The following DIP2B variants were observed in gnomAD, a reference collection of about 807,000 sequenced individuals.
The protein encoded by DIP2B is DIP2 acetate--CoA ligase B (putative), also known as disco-interacting protein 2 homolog B.
Under a neutral mutation model 198.0 loss-of-function variants are expected in DIP2B, and 76 were observed. The ratio of observed to expected loss-of-function variants is 0.38; its 90% confidence interval spans 0.32 to 0.46. The LOEUF (loss-of-function observed/expected upper bound fraction) is 0.46. Among genes scored for constraint, DIP2B ranks in the 20% least tolerant of loss-of-function variants. DIP2B has a pLI of 0.99. For missense variants in DIP2B, 1,559 were observed against 1,978.4 expected (o/e 0.79, Z 4.02); for synonymous variants, 701 against 739.1 (o/e 0.95, Z 0.84).
intron 1 of DIP2B, among the ~76,000 whole-genome samples, chr12:50,553,917 G>A (rs1412968717): frequency 6.6e-6 from 1 of 152,166 alleles, no homozygotes; most frequent in African/African-American, 2.4e-5. Context: ...ACCTCCCAAA[G>A]TGTTGGGATT....
chr12:50,513,073 G>C (rs1958032576), intron 1 of DIP2B, among the ~76,000 whole-genome samples: 1 of 152,166 alleles, frequency 6.6e-6, no homozygotes, highest in South Asian at 2.1e-4. Context: ...TAAGATAATA[G>C]AAAAGCTGAG....
chr12:50,508,886 C>A (rs529450942), intron 1 of DIP2B, among the ~76,000 whole-genome samples: 15 of 152,056 alleles, frequency 9.9e-5, no homozygotes, highest in Non-Finnish European at 1.8e-4. Context: ...TTGTAGTAGA[C>A]ACGGGTTTTC....
At chr12:50,725,978 A>G (rs991922579) in intron 28 of DIP2B, among the ~76,000 whole-genome samples, 1 of 152,022 alleles carries the variant, frequency 6.6e-6, no homozygotes, top group African/African-American at 2.4e-5. Flanking sequence ...GCACAGTTAT[A>G]TACAATATTT....
chr12:50,717,488 C>T (rs1425752450), intron 23 of DIP2B, among the ~76,000 whole-genome samples: 4 of 151,046 alleles, frequency 2.6e-5, no homozygotes, highest in Non-Finnish European at 5.9e-5. Flanking sequence ...GCCTCAGCCT[C>T]CCAAGCAGCT....
intron 1 of DIP2B, among the ~76,000 whole-genome samples, chr12:50,553,044 C>A (rs970265093): frequency 2.6e-5 from 4 of 152,108 alleles, no homozygotes; most frequent in Admixed American, 2.6e-4. Context: ...GCATATTGGC[C>A]AGGCTGGTCT....
Position 50,516,819 on chromosome 12 carries a change from G to T in DIP2B, c.100+11579G>T, listed in dbSNP as rs376703198. 5.4e-4 allele frequency among the ~76,000 whole-genome samples: 82 copies of T among 151,938 alleles called. No homozygotes were observed. In the South Asian group the frequency reaches 0.017, roughly 31 times the overall value. ...GCGAAACCCTATCAGTACTAAAAAT[G>T]CAAAAATTAGCTGGGTGTGGTGGCG... is the stretch of plus-strand genomic sequence containing the variant. On this transcript the variant is annotated intron_variant, in intron 1 of 37. Transcript: ENST00000301180.
At chr12:50,511,808 C>T (rs1368345058) in intron 1 of DIP2B, among the ~76,000 whole-genome samples, 1 of 151,084 alleles carries the variant, frequency 6.6e-6, no homozygotes, top group African/African-American at 2.4e-5. Flanking sequence ...ATTAGCTCGG[C>T]GTGGTGGCTT....
intron 13 of DIP2B, among the ~76,000 whole-genome samples, chr12:50,692,665 C>T (rs1379473719): frequency 2.6e-5 from 4 of 151,942 alleles, no homozygotes. Context: ...TGGTGAAACT[C>T]CCTCTCTACT....
intron 4 of DIP2B, among the ~76,000 whole-genome samples, chr12:50,663,925 G>A (rs1487744413): frequency 2.0e-5 from 3 of 150,410 alleles, no homozygotes; most frequent in Non-Finnish European, 4.4e-5. Context: ...CTCTTGCAGG[G>A]AAAAATTAGC....
At chr12:50,519,423 T>G (rs746312040) in intron 1 of DIP2B, among the ~76,000 whole-genome samples, 9 of 152,158 alleles carry the variant, frequency 5.9e-5, no homozygotes, top group Non-Finnish European at 1.2e-4. Context: ...TTTAAAAGAA[T>G]GAAAAATATG....
In DIP2B at chr12:50,505,024, G is replaced by GCGGCGGCGT; in HGVS notation, c.-117_-116insCGGCGGCGT. 1.0e-5 allele frequency: 11 copies of GCGGCGGCGT among 1,076,116 alleles called. No individual in the cohort carries two copies. The highest frequency in any genetic ancestry group is 1.5e-5 in the Non-Finnish European group (11 of 745,318). 66.7% of individuals were successfully genotyped at this position (1,076,116 alleles called of 1,614,324 possible). ...CATGGCGGCGGCGGCGGCGGCGGCGGTGCTGGTGGTGCTCGGCGGCCGGAG... is the reference window on the plus strand; with the variant it reads ...CATGGCGGCGGCGGCGGCGGCGGCGGCGGCGGCGTTGCTGGTGGTGCTCGGCGGCCGGAG... On this transcript the variant is annotated 5_prime_UTR_variant, in exon 1 of 38. Transcript: ENST00000301180.
At chr12:50,527,507 A>C (rs1344417004) in intron 1 of DIP2B, among the ~76,000 whole-genome samples, 1 of 152,200 alleles carries the variant, frequency 6.6e-6, no homozygotes, top group African/African-American at 2.4e-5. Flanking sequence ...CTTAATAACT[A>C]AGATTATCCT....
At chr12:50,614,673 GATAA>G (rs1239772587) in intron 1 of DIP2B, among the ~76,000 whole-genome samples, 2 of 152,180 alleles carry the variant, frequency 1.3e-5, no homozygotes, top group African/African-American at 4.8e-5. Flanking sequence ...CCCAGTATCA[GATAA>G]ATAGTTTGTA....
intron 4 of DIP2B, among the ~76,000 whole-genome samples, chr12:50,668,459 G>C (rs769792316): frequency 6.6e-6 from 1 of 152,160 alleles, no homozygotes; most frequent in Non-Finnish European, 1.5e-5. Context: ...CCCCATAGTT[G>C]TAAGTCATTA....
chr12:50,741,617 G>A (rs1341299576), intron 37 of DIP2B, 78 bp downstream of exon 37: 2 of 1,514,820 alleles, frequency 1.3e-6, no homozygotes, highest in Middle Eastern at 1.8e-4. Context: ...ATTGGTCATT[G>A]GGACCACATA....
intron 35 of DIP2B, 42 bp downstream of exon 35, chr12:50,737,152 A>G: frequency 6.4e-7 from 1 of 1,565,430 alleles, no homozygotes. Flanking sequence ...AGTCAGCAGT[A>G]AAAATCTCTA....
At chr12:50,545,640 C>G (rs150315785) in intron 1 of DIP2B, among the ~76,000 whole-genome samples, 1 of 151,418 alleles carries the variant, frequency 6.6e-6, no homozygotes, top group Non-Finnish European at 1.5e-5. Flanking sequence ...GGCATGGTTA[C>G]TCACACCTGT....
chr12:50,531,141 G>A (rs1593584121), intron 1 of DIP2B, among the ~76,000 whole-genome samples: 2 of 152,182 alleles, frequency 1.3e-5, no homozygotes, highest in South Asian at 2.1e-4. Flanking sequence ...TGACTTCTGG[G>A]TTCACGCCAT....
intron 26 of DIP2B, among the ~76,000 whole-genome samples, chr12:50,722,654 G>A (rs1006338335): frequency 1.3e-5 from 2 of 152,178 alleles, no homozygotes; most frequent in Admixed American, 6.5e-5. Context: ...CCCAGGAGAT[G>A]GCCTTGCACC....
Sources: allele counts gnomAD v4.1 joint callset (sites outside exome capture counted in the v4.1 genomes callset), GRCh38; gene constraint gnomAD v4.1.1; transcripts MANE v1.5; gene names NCBI Gene and HGNC (gene_info 2026-07-23, HGNC 2026-07-21).